CNTNAP4: variants seen among roughly 807,000 people sequenced by gnomAD.
CNTNAP4 encodes contactin-associated protein-like 4.
Under a neutral mutation model 148.4 loss-of-function variants are expected in CNTNAP4, and 98 were observed. The observed-to-expected ratio is 0.66, with a 90% CI of 0.56 to 0.78. The LOEUF (loss-of-function observed/expected upper bound fraction) is 0.78, where lower values mean the gene tolerates loss of function less well. Among genes scored for constraint, CNTNAP4 ranks in the 30% least tolerant of loss-of-function variants. CNTNAP4 has a pLI of 0.00. For synonymous variants in CNTNAP4, 730 were observed against 565.1 expected, an observed-to-expected ratio of 1.29 and a Z score of -4.14; for missense variants, 1,935 against 1,565.6, an observed-to-expected ratio of 1.24 and a Z score of -3.98.
intron 3 of CNTNAP4, among the ~76,000 whole-genome samples, chr16:76,378,833 G>T (rs2015692034): frequency 6.6e-6 from 1 of 152,180 alleles, no homozygotes; most frequent in South Asian, 2.1e-4. Flanking sequence ...CCTAGGGTCG[G>T]CCAAGAGGAG....
chr16:76,388,951 A>G (rs1454806568), intron 3 of CNTNAP4, among the ~76,000 whole-genome samples: 2 of 152,232 alleles, frequency 1.3e-5, no homozygotes, highest in Non-Finnish European at 2.9e-5. Flanking sequence ...GTAATTCTAG[A>G]GAAAAGGAAA....
In CNTNAP4 at chr16:76,470,041, G is replaced by T. The variant is rs996140048; in HGVS notation, c.1655+2518G>T. Among the ~76,000 whole-genome samples the T allele has an allele frequency of 2.0e-5, 3 of 152,204 alleles. 1 individual carries two copies. The highest frequency in any genetic ancestry group is 4.4e-5 in the Non-Finnish European group (3 of 68,012). On this transcript the variant is annotated intron_variant, in intron 10 of 23. Transcript: ENST00000611870. ...ACCAGGCCTTATGCTAAGCACTTAA[G>T]ATGAATGAGCATTTAAATCAAGCCT...
chr16:76,435,060 T>A (rs2079767680), intron 4 of CNTNAP4, among the ~76,000 whole-genome samples: 1 of 152,086 alleles, frequency 6.6e-6, no homozygotes, highest in African/African-American at 2.4e-5. Flanking sequence ...GAATGTCTCC[T>A]CGGGGAAGGA....
chr16:76,416,727 A>T (rs570844095), intron 3 of CNTNAP4, among the ~76,000 whole-genome samples: 119 of 151,494 alleles, frequency 7.9e-4, no homozygotes, highest in African/African-American at 2.8e-3. Context: ...AATGTTCTCA[A>T]AATGTTAATT....
At chr16:76,512,782 A>C (rs2083079010) in intron 15 of CNTNAP4, among the ~76,000 whole-genome samples, 1 of 152,178 alleles carries the variant, frequency 6.6e-6, no homozygotes, top group African/African-American at 2.4e-5. Flanking sequence ...AAGAAGACTG[A>C]GAATATATCA....
intron 3 of CNTNAP4, among the ~76,000 whole-genome samples, chr16:76,414,763 A>G (rs1000296293): frequency 4.0e-5 from 6 of 151,282 alleles, no homozygotes; most frequent in African/African-American, 1.2e-4. Context: ...TTGGTTTGGA[A>G]TTTATTTCAT....
chr16:76,342,703 A>C (rs1964577080), intron 2 of CNTNAP4, among the ~76,000 whole-genome samples: 1 of 151,926 alleles, frequency 6.6e-6, no homozygotes, highest in South Asian at 2.1e-4. Context: ...AGATCTCCTG[A>C]CCTCGTGATC....
chr16:76,456,667 C>T (rs1268423829), intron 8 of CNTNAP4, among the ~76,000 whole-genome samples: 3 of 152,208 alleles, frequency 2.0e-5, no homozygotes, highest in Non-Finnish European at 2.9e-5. Context: ...CAGATTCTTA[C>T]AACACCAAGG....
chr16:76,502,056 G>A (rs1486857977), intron 15 of CNTNAP4, among the ~76,000 whole-genome samples: 3 of 148,746 alleles, frequency 2.0e-5, no homozygotes, highest in Non-Finnish European at 4.5e-5. Flanking sequence ...GCGACAGAGC[G>A]AGACTCCGTC....
intron 3 of CNTNAP4, among the ~76,000 whole-genome samples, chr16:76,407,075 G>A (rs2078622890): frequency 1.3e-5 from 2 of 152,162 alleles, no homozygotes; most frequent in South Asian, 2.1e-4. Flanking sequence ...TCTTGTCAGA[G>A]ACTAATGCAG....
chr16:76,438,437 T>C (rs1239134004), intron 4 of CNTNAP4, among the ~76,000 whole-genome samples: 2 of 152,116 alleles, frequency 1.3e-5, no homozygotes, highest in African/African-American at 4.8e-5. Context: ...CACAAGGTAA[T>C]CTGTCACAGG....
chr16:76,380,096 T>C (rs7200808), intron 3 of CNTNAP4, among the ~76,000 whole-genome samples: 29,513 of 152,122 alleles, frequency 0.19, 3,335 homozygotes, highest in East Asian at 0.45. Context: ...AAGTCTGTTG[T>C]AGTATTTCAA....
At chr16:76,430,629 T>C (rs1299912876) in intron 4 of CNTNAP4, among the ~76,000 whole-genome samples, 2 of 152,052 alleles carry the variant, frequency 1.3e-5, no homozygotes, top group Admixed American at 6.5e-5. Flanking sequence ...TCCCCTGAGC[T>C]TGAGGAAGGC....
chr16:76,283,194 G>A (rs934252868), intron 1 of CNTNAP4, among the ~76,000 whole-genome samples: 10 of 151,768 alleles, frequency 6.6e-5, no homozygotes, highest in African/African-American at 2.2e-4. Flanking sequence ...TACAAATACC[G>A]ATTTTTCTTG....
At chr16:76,288,548 A>G (rs932843673) in intron 1 of CNTNAP4, among the ~76,000 whole-genome samples, 4 of 152,168 alleles carry the variant, frequency 2.6e-5, no homozygotes, top group Non-Finnish European at 5.9e-5. Context: ...CACCACCTCA[A>G]CTTTAATCAT....
intron 4 of CNTNAP4, among the ~76,000 whole-genome samples, chr16:76,446,156 G>A (rs892883909): frequency 6.6e-6 from 1 of 152,090 alleles, no homozygotes; most frequent in East Asian, 1.9e-4. Flanking sequence ...TTGCAGGGTG[G>A]TGTGTATAGA....
chr16:76,379,703 T>A (rs1044610818), intron 3 of CNTNAP4, among the ~76,000 whole-genome samples: 3 of 152,226 alleles, frequency 2.0e-5, no homozygotes, highest in Non-Finnish European at 4.4e-5. Context: ...ACTTTCTATA[T>A]TCTGCTTCTG....
At chr16:76,441,956 G>A (rs1288007755) in intron 4 of CNTNAP4, among the ~76,000 whole-genome samples, 1 of 152,098 alleles carries the variant, frequency 6.6e-6, no homozygotes, top group Non-Finnish European at 1.5e-5. Context: ...AAGAGGTTAA[G>A]TAACTCACTG....
At chr16:76,352,273 T>A (rs1345710594) in intron 2 of CNTNAP4, among the ~76,000 whole-genome samples, 2 of 152,044 alleles carry the variant, frequency 1.3e-5, no homozygotes, top group African/African-American at 4.8e-5. Flanking sequence ...AGGGAAAGAA[T>A]AAAATTAGAT....
Sources: gnomAD v4.1 joint callset for allele counts (sites outside exome capture counted in the v4.1 genomes callset) on GRCh38, gnomAD v4.1.1 for gene constraint, MANE v1.5 for transcripts, NCBI Gene and HGNC (gene_info 2026-07-23, HGNC 2026-07-21) for gene names.